The following ARHGEF11 variants were observed in gnomAD, a reference collection of about 807,000 sequenced individuals.
ARHGEF11 encodes the protein Rho guanine nucleotide exchange factor 11, also known as Rho guanine exchange factor (GEF) 11.
Under a neutral mutation model 193.7 loss-of-function variants are expected in ARHGEF11, and 55 were observed. That is an observed-to-expected ratio of 0.28 (90% CI 0.23 to 0.36). The LOEUF (loss-of-function observed/expected upper bound fraction) is 0.36, where lower values mean the gene tolerates loss of function less well. Among genes scored for constraint, ARHGEF11 ranks in the 10% least tolerant of loss-of-function variants. The probability of loss-of-function intolerance (pLI) is 1.00; values close to 1 mark genes in which losing one functional copy is unlikely to be tolerated. For missense variants in ARHGEF11, 1,723 were observed against 2,005.6 expected, an observed-to-expected ratio of 0.86 and a Z score of 2.69; for synonymous variants, 693 against 768.0, an observed-to-expected ratio of 0.90 and a Z score of 1.62.
At chr1:156,966,882 A>G (rs1661743729) in intron 11 of ARHGEF11, among the ~76,000 whole-genome samples, 1 of 152,228 alleles carries the variant, frequency 6.6e-6, no homozygotes, top group African/African-American at 2.4e-5. Flanking sequence ...AGCAAGTTAC[A>G]TCACGTAGTT....
At chr1:157,024,730 AG>A (rs1263675236) in intron 1 of ARHGEF11, among the ~76,000 whole-genome samples, 1 of 151,490 alleles carries the variant, frequency 6.6e-6, no homozygotes, top group Non-Finnish European at 1.5e-5. Context: ...AATGGGTGAA[AG>A]GCAAAAAAAA....
chr1:156,960,283 C>A, intron 15 of ARHGEF11, 135 bp downstream of exon 15: 1 of 795,122 alleles, frequency 1.3e-6, no homozygotes, highest in Non-Finnish European at 2.1e-6. Context: ...GCAATCATCC[C>A]ATGGGTCTTT....
chr1:156,940,090 C>T, intron 36 of ARHGEF11, 117 bp downstream of exon 36: 1 of 1,409,260 alleles, frequency 7.1e-7, no homozygotes, highest in East Asian at 2.4e-5. Flanking sequence ...GCATCCATCT[C>T]TCCTCAAGCA....
chr1:156,936,235 A>G, intron 40 of ARHGEF11, 177 bp from the exon 41 acceptor site: 1 of 784,286 alleles, frequency 1.3e-6, no homozygotes. Flanking sequence ...CACTTTCATC[A>G]GCGCCTAAAG....
chr1:156,935,999 G>C lies in ARHGEF11; in HGVS notation c.*1C>G, dbSNP rs766198920. The C allele has an allele frequency of 6.2e-7, 1 of 1,613,120 alleles. No homozygotes were observed. The highest frequency in any genetic ancestry group is 1.1e-5 in the South Asian group (1 of 90,942). On this transcript the variant is annotated 3_prime_UTR_variant, in exon 41 of 41. Coordinates refer to ENST00000368194, the MANE Select transcript of ARHGEF11 (RefSeq NM_198236.3). Reference sequence around the variant, plus strand: ...CGCAGAGGATTTGGTGGTTTGTACGGTTATGGTCCTGGTGACGCGGCTGCG... The same window carrying C: ...CGCAGAGGATTTGGTGGTTTGTACGCTTATGGTCCTGGTGACGCGGCTGCG...
chr1:156,993,603 A>T (rs963148644), intron 1 of ARHGEF11, among the ~76,000 whole-genome samples: 18 of 152,278 alleles, frequency 1.2e-4, no homozygotes, highest in African/African-American at 4.3e-4. Context: ...AGCTCCAGAT[A>T]AAGTCCATAC....
intron 21 of ARHGEF11, among the ~76,000 whole-genome samples, chr1:156,951,990 A>G (rs1187581198): frequency 6.6e-6 from 1 of 152,054 alleles, no homozygotes; most frequent in African/African-American, 2.4e-5. Flanking sequence ...TTATTATAAT[A>G]ACGCTTCTGC....
In ARHGEF11 at chr1:156,954,900, G is replaced by C; in HGVS notation, c.1790C>G (p.Pro597Arg). ...TAAAATGGTCCTTTTACCTTCCACA[G>C]GGGACAAGGGAATATGAAATGCTAA... ...SQSTFHIPLS[P>R]VEVKPGNVRN... The change falls in exon 21 of 41, where the codon CCT becomes CGT. Residue 597 changes from proline to arginine, a missense_variant. By Grantham distance (103) the Pro-to-Arg change is moderately radical. Transcript: ENST00000368194. 1 of 1,608,776 alleles carries C rather than the reference G, an allele frequency of 6.2e-7. No homozygotes were observed. The highest frequency in any genetic ancestry group is 1.3e-5 in the African/African-American group (1 of 74,752).
intron 30 of ARHGEF11, 82 bp downstream of exon 30, chr1:156,944,935 ACT>A: frequency 6.6e-7 from 1 of 1,510,516 alleles, no homozygotes; most frequent in Non-Finnish European, 8.9e-7. Flanking sequence ...TACCTCTAAG[ACT>A]CTCCAAGCCC....
chr1:156,941,489 T>A (rs903592312), intron 34 of ARHGEF11, 56 bp from the exon 35 acceptor site: 1 of 1,565,208 alleles, frequency 6.4e-7, no homozygotes, highest in East Asian at 2.2e-5. Context: ...CCTGGACTCA[T>A]GCATTAGAAT....
At chr1:156,956,330 G>T (rs899776010) in intron 19 of ARHGEF11, 90 bp downstream of exon 19, 175 of 1,362,076 alleles carry the variant, frequency 1.3e-4, no homozygotes, top group Non-Finnish European at 1.7e-4. Flanking sequence ...TGCCCAGGCT[G>T]GTCTCGAACT....
chr1:156,935,846 T>G lies in ARHGEF11; in HGVS notation c.*154A>C, dbSNP rs1391810552. On this transcript the variant is annotated 3_prime_UTR_variant, in exon 41 of 41. Transcript: ENST00000368194. ...TCCGACTTGAGCAGACCAAGCAACA[T>G]GCGGGTCTCCCCCCGGGCCTTGGCT... The G allele has an allele frequency of 2.5e-6, 2 of 815,328 alleles. No individual in the cohort carries two copies. The highest frequency in any genetic ancestry group is 6.0e-5 in the Admixed American group (2 of 33,342). 50.5% of individuals were successfully genotyped at this position (815,328 alleles called of 1,614,324 possible).
rs1655998233 is a variant in ARHGEF11 at position 156,938,449 on chromosome 1, T to C, written c.4161A>G (p.Pro1387=). 6.2e-7 allele frequency: 1 copy of C among 1,613,476 alleles called. No homozygotes were observed. The highest frequency in any genetic ancestry group is 8.5e-7 in the Non-Finnish European group (1 of 1,179,776). The change falls in exon 38 of 41, where the codon CCA becomes CCG. Residue 1387 remains proline (P), a synonymous_variant. Transcript: ENST00000368194. The part of the protein sequence containing the change: ...LPESGQSEPG[P]PEVEGGTKAT... ...CCTTTGTTCCGCCTTCCACTTCAGG[T>C]GGCCCAGGCTCTGACTGGCCACTCT...
At chr1:157,037,412 A>G (rs1672178879) in intron 1 of ARHGEF11, among the ~76,000 whole-genome samples, 2 of 152,094 alleles carry the variant, frequency 1.3e-5, no homozygotes, top group South Asian at 4.2e-4. Flanking sequence ...ACTACCACAT[A>G]AAGTCTGAAT....
rs749850569 is a variant in ARHGEF11, at chr1:156,955,669, G to A, written c.1768+34C>T. The A allele has an allele frequency of 6.5e-6, 10 of 1,543,866 alleles. No individual in the cohort carries two copies. The African/African-American group carries it at 1.4e-4, about 21-fold the overall frequency. On this transcript the variant is annotated intron_variant, in intron 20 of 40. Transcript: ENST00000368194. ...GAAAGGGCTGAGGTCCCTGCCCAAG[G>A]AATGCCCAAGGCTGTTGCTCCCCAA...
chr1:156,973,542 C>G (rs942749530), intron 7 of ARHGEF11, among the ~76,000 whole-genome samples: 32 of 152,256 alleles, frequency 2.1e-4, no homozygotes, highest in Middle Eastern at 3.4e-3. Flanking sequence ...TGTTTCAACC[C>G]AGGCTTTTCT....
chr1:157,011,439 A>G (rs1349493733), intron 1 of ARHGEF11, among the ~76,000 whole-genome samples: 1 of 152,196 alleles, frequency 6.6e-6, no homozygotes, highest in Admixed American at 6.5e-5. Context: ...TTTTCTAGAT[A>G]TGACACCAAA....
At position 156,971,718 on chromosome 1, in the gene ARHGEF11, C is replaced by A; in HGVS notation, c.681G>T (p.Gln227His). 1 of 1,613,962 alleles carries A rather than the reference C, an allele frequency of 6.2e-7. No individual in the cohort carries two copies. The highest frequency in any genetic ancestry group is 1.3e-5 in the African/African-American group (1 of 75,048). ...RRVTQLQLKIQQETGGSVDIL... is the reference protein window; with the variant it reads ...RRVTQLQLKIHQETGGSVDIL... ...TCACCACTGAGCCACCAGTCTCCTG[C>A]TGGATCTTCAGCTGTAACTGAGTGA... Residue 227 changes from glutamine to histidine, a missense_variant, in exon 8 of 41, where the codon CAG (glutamine) becomes CAT (histidine). Transcript: ENST00000368194.
intron 22 of ARHGEF11, chr1:156,949,121 A>G (rs937326264): frequency 1.0e-6 from 1 of 985,064 alleles, no homozygotes; most frequent in Non-Finnish European, 1.2e-6. Context: ...TTATCTTAAC[A>G]ATACTGTTCC....
Sources: gnomAD v4.1 joint callset for allele counts (sites outside exome capture counted in the v4.1 genomes callset) on GRCh38, gnomAD v4.1.1 for gene constraint, MANE v1.5 for transcripts, NCBI Gene and HGNC (gene_info 2026-07-23, HGNC 2026-07-21) for gene names.